The following EXPH5 variants were observed in gnomAD, a reference collection of about 807,000 sequenced individuals.
The protein encoded by EXPH5 is exophilin-5.
A neutral mutation model predicts 41.1 loss-of-function variants in EXPH5; 42 were observed. That is an observed-to-expected ratio of 1.02 (90% CI 0.80 to 1.32). The LOEUF (loss-of-function observed/expected upper bound fraction) is 1.32, where lower values mean the gene tolerates loss of function less well. Among genes scored for constraint, EXPH5 ranks in the 40% most tolerant of loss-of-function variants. EXPH5 has a pLI of 0.00. For synonymous variants in EXPH5, 798 were observed against 833.5 expected, an observed-to-expected ratio of 0.96 and a Z score of 0.73; for missense variants, 2,298 against 2,314.5, an observed-to-expected ratio of 0.99 and a Z score of 0.15.
intron 1 of EXPH5, among the ~76,000 whole-genome samples, chr11:108,586,658 C>T (rs539101450): frequency 8.0e-5 from 10 of 125,056 alleles, no homozygotes; most frequent in African/African-American, 3.0e-4. Context: ...CCTCCCCCAT[C>T]CCCTTTCCTC....
upstream of EXPH5, among the ~76,000 whole-genome samples, chr11:108,595,224 T>A (rs191007009): frequency 1.3e-5 from 2 of 152,356 alleles, no homozygotes; most frequent in Non-Finnish European, 2.9e-5. Context: ...TTTAGAAAGT[T>A]TGTAATCCAG....
intron 1 of EXPH5, among the ~76,000 whole-genome samples, chr11:108,579,308 A>C (rs2094090459): frequency 6.6e-6 from 1 of 152,040 alleles, no homozygotes. Context: ...AATGTGATAC[A>C]TCATGTTTAT....
At chr11:108,574,994 T>C (rs1257312718) in intron 1 of EXPH5, among the ~76,000 whole-genome samples, 1 of 152,186 alleles carries the variant, frequency 6.6e-6, no homozygotes, top group African/African-American at 2.4e-5. Context: ...AGATGTATTC[T>C]TATGTCAGAA....
chr11:108,593,801 T>C (rs976552489), upstream of EXPH5: 30 of 1,504,550 alleles, frequency 2.0e-5, no homozygotes, highest in Non-Finnish European at 2.6e-5. Flanking sequence ...ACCAATCCCG[T>C]TCCAAGGGGG....
chr11:108,511,856 C>A lies in EXPH5; in HGVS notation c.3651G>T (p.Leu1217Phe), dbSNP rs1347444835. The A allele has an allele frequency of 1.3e-6, 2 of 1,587,196 alleles. No individual in the cohort carries two copies. Among genetic ancestry groups the A allele is most frequent in the Non-Finnish European group, 8.5e-7 (1 of 1,171,878 alleles). The change falls in exon 6 of 6, where the codon TTG becomes TTT. Residue 1217 changes from leucine to phenylalanine, a missense_variant. Transcript: ENST00000265843. The stretch of plus-strand genomic sequence containing the variant: ...ATGTTTTCCCACGTTCTTTTCCTGA[C>A]AAGTCTGAGCAAAAAGGTAAAGGGT... ...NEDPLPFCSD[L>F]SGKERGKTLH...
rs2094098754 is a variant in EXPH5 at position 108,581,686 on chromosome 11, A to C, written c.119+11732T>G. Among the ~76,000 whole-genome samples, 7 of 152,130 alleles carry C rather than the reference A, an allele frequency of 4.6e-5. No homozygotes were observed. The South Asian group carries it at 1.4e-3, about 32-fold the overall frequency. ...CAATTAAATTGAAACAAAAACAATA[A>C]AGAAAAATCAAAGTAAGACAAAAAG... On this transcript the variant is annotated intron_variant, in intron 1 of 5. Transcript: ENST00000265843.
chr11:108,573,190 AAGAAAGAAAAAG>A (rs1201280687), intron 1 of EXPH5, among the ~76,000 whole-genome samples: 27 of 136,084 alleles, frequency 2.0e-4, no homozygotes, highest in South Asian at 1.1e-3. Context: ...GAAAGAAAGA[AAGAAAGAAAAAG>A]AAAGAAAGAA....
At chr11:108,540,510 T>C (rs903134537) in intron 2 of EXPH5, among the ~76,000 whole-genome samples, 1 of 152,140 alleles carries the variant, frequency 6.6e-6, no homozygotes, top group African/African-American at 2.4e-5. Context: ...AGTTGCAAGA[T>C]ATTATCAACA....
intron 4 of EXPH5, among the ~76,000 whole-genome samples, chr11:108,525,714 A>G (rs1191101616): frequency 6.6e-6 from 1 of 151,824 alleles, no homozygotes; most frequent in Non-Finnish European, 1.5e-5. Context: ...ATCACCTCAA[A>G]TCTTGGGGAG....
chr11:108,569,225 C>T (rs1236515192), intron 1 of EXPH5, among the ~76,000 whole-genome samples: 2 of 152,164 alleles, frequency 1.3e-5, no homozygotes, highest in Non-Finnish European at 2.9e-5. Flanking sequence ...ACCACCACCT[C>T]CAGCAAGTCT....
intron 1 of EXPH5, among the ~76,000 whole-genome samples, chr11:108,571,915 G>A (rs1226552638): frequency 6.6e-6 from 1 of 152,070 alleles, no homozygotes. Flanking sequence ...AGGCGTGGTG[G>A]CGGGCGCCTG....
intron 1 of EXPH5, among the ~76,000 whole-genome samples, chr11:108,547,850 C>T (rs905062487): frequency 6.6e-5 from 10 of 152,116 alleles, no homozygotes; most frequent in Non-Finnish European, 1.5e-4. Context: ...TAGCTCATGC[C>T]TGTAATCCCA....
intron 5 of EXPH5, among the ~76,000 whole-genome samples, chr11:108,516,332 C>G (rs1162682111): frequency 7.2e-5 from 11 of 152,104 alleles, no homozygotes. Context: ...ACCACAGCCT[C>G]TGTGATCTTA....
Position 108,513,386 on chromosome 11 carries a change from A to AAT in EXPH5, c.2119_2120dup (p.Ser708PhefsTer8). The stretch of plus-strand genomic sequence containing the variant: ...TGCTTAGCTGTTTGTCTTCTTCTGA[A>AAT]ATAGATTCATTTAAGTCTTTCTCAT... On this transcript the variant is annotated frameshift_variant, in exon 6 of 6. Coordinates refer to ENST00000265843, the MANE Select transcript of EXPH5 (RefSeq NM_015065.3). LOFTEE classifies it low-confidence loss of function (END_TRUNC). The AAT allele has an allele frequency of 6.2e-7, 1 of 1,614,042 alleles. No individual in the cohort carries two copies. The highest frequency in any genetic ancestry group is 1.3e-5 in the African/African-American group (1 of 75,050).
At chr11:108,583,248 G>A (rs1202800967) in intron 1 of EXPH5, among the ~76,000 whole-genome samples, 4 of 152,052 alleles carry the variant, frequency 2.6e-5, no homozygotes, top group Admixed American at 6.6e-5. Flanking sequence ...CGGGCGTGGT[G>A]GCGGGCTCCT....
the EXPH5 span, among the ~76,000 whole-genome samples, chr11:108,600,838 C>G: frequency 4.6e-5 from 7 of 152,170 alleles, no homozygotes; most frequent in Non-Finnish European, 1.5e-5. Flanking sequence ...TTTGTTGTTT[C>G]ACATGGTCAG....
At chr11:108,560,539 T>A (rs994347541) in intron 1 of EXPH5, among the ~76,000 whole-genome samples, 1 of 152,252 alleles carries the variant, frequency 6.6e-6, no homozygotes, top group Non-Finnish European at 1.5e-5. Flanking sequence ...TCTTGAATCC[T>A]TGCACTAAAG....
At chr11:108,571,670 C>A (rs1042919053) in intron 1 of EXPH5, among the ~76,000 whole-genome samples, 8 of 152,242 alleles carry the variant, frequency 5.3e-5, no homozygotes, top group African/African-American at 1.9e-4. Context: ...TGAGACCTCC[C>A]CTCAAATATG....
chr11:108,595,153 A>C (rs2094136961), upstream of EXPH5, among the ~76,000 whole-genome samples: 1 of 152,252 alleles, frequency 6.6e-6, no homozygotes. Flanking sequence ...GATTTCAACC[A>C]ACGTATCCTG....
Sources: gnomAD v4.1 joint callset for allele counts (sites outside exome capture counted in the v4.1 genomes callset) on GRCh38, gnomAD v4.1.1 for gene constraint, MANE v1.5 for transcripts, NCBI Gene and HGNC (gene_info 2026-07-23, HGNC 2026-07-21) for gene names.